The following CPEB3 variants were observed in gnomAD, a reference collection of about 807,000 sequenced individuals.
CPEB3 encodes cytoplasmic polyadenylation element binding protein 3.
A neutral mutation model predicts 67.2 loss-of-function variants in CPEB3; 20 were observed. That is an observed-to-expected ratio of 0.30 (90% CI 0.21 to 0.43). The LOEUF (loss-of-function observed/expected upper bound fraction) is 0.43. CPEB3 is among the 20% of genes least tolerant of loss of function. The probability of loss-of-function intolerance (pLI) is 1.00; values close to 1 mark genes in which losing one functional copy is unlikely to be tolerated. For synonymous variants in CPEB3, 376 were observed against 393.1 expected (o/e 0.96, Z 0.51); for missense variants, 746 against 968.6 (o/e 0.77, Z 3.05).
chr10:92,275,840 C>CTT (rs982965337), intron 1 of CPEB3, among the ~76,000 whole-genome samples: 4 of 130,710 alleles, frequency 3.1e-5, no homozygotes, highest in African/African-American at 2.8e-5. Flanking sequence ...GTACTTCATT[C>CTT]TTTTCTTTTT....
chr10:92,118,941 T>G (rs752824857), intron 6 of CPEB3: 2 of 1,273,412 alleles, frequency 1.6e-6, no homozygotes, highest in Non-Finnish European at 2.3e-6. Flanking sequence ...CCTGGGAACT[T>G]TGAGTCTTAT....
intron 9 of CPEB3, 45 bp downstream of exon 9, chr10:92,081,275 C>A (rs750740438): frequency 1.2e-6 from 2 of 1,608,756 alleles, no homozygotes; most frequent in South Asian, 2.2e-5. Flanking sequence ...ACAGAACAAA[C>A]TTCTTTTCTC....
At position 92,203,530 on chromosome 10, in the gene CPEB3, T is replaced by A. The variant is rs965031126; in HGVS notation, c.1006-10894A>T. Among the ~76,000 whole-genome samples the A allele has an allele frequency of 9.4e-3, 921 of 97,848 alleles. 12 individuals are homozygous for A. Among genetic ancestry groups the A allele is most frequent in the Non-Finnish European group, 0.013 (479 of 37,362 alleles). 64.2% of individuals were successfully genotyped at this position (97,848 alleles called of 152,430 possible). ...TGTGTATATATATATATATATATAT[T>A]TTTTTTTTAGAGGTGTAGCTGGGAT... On this transcript the variant is annotated intron_variant, in intron 2 of 9. Coordinates refer to ENST00000265997, the MANE Select transcript of CPEB3 (RefSeq NM_014912.5).
intron 4 of CPEB3, among the ~76,000 whole-genome samples, chr10:92,161,920 C>T (rs1847505262): frequency 6.6e-6 from 1 of 152,186 alleles, no homozygotes; most frequent in South Asian, 2.1e-4. Context: ...CGTGGCCTCC[C>T]AAAGTGCTGG....
intron 6 of CPEB3, chr10:92,137,624 G>A (rs1337565932): frequency 9.3e-6 from 6 of 644,128 alleles, no homozygotes; most frequent in Non-Finnish European, 1.7e-5. Flanking sequence ...CATGAGGAGT[G>A]GAAACTGAGC....
intron 1 of CPEB3, among the ~76,000 whole-genome samples, chr10:92,256,393 CTTTTTTTT>C (rs1185030211): frequency 2.1e-5 from 3 of 141,974 alleles, no homozygotes; most frequent in South Asian, 2.2e-4. Flanking sequence ...AACCTTTTTT[CTTTTTTTT>C]TTTTTTTGAA....
chr10:92,193,848 G>A (rs368110501), intron 2 of CPEB3, among the ~76,000 whole-genome samples: 9 of 150,476 alleles, frequency 6.0e-5, no homozygotes, highest in African/African-American at 2.2e-4. Flanking sequence ...CCAGGCTGGA[G>A]TGCAGTGGCG....
intron 6 of CPEB3, among the ~76,000 whole-genome samples, chr10:92,131,178 G>T (rs1273501969): frequency 6.6e-6 from 1 of 152,124 alleles, no homozygotes; most frequent in Non-Finnish European, 1.5e-5. Flanking sequence ...GCAAGCCTGA[G>T]GACCAGAATC....
At chr10:92,134,620 A>G (rs1846001142) in intron 6 of CPEB3, among the ~76,000 whole-genome samples, 1 of 151,996 alleles carries the variant, frequency 6.6e-6, no homozygotes, top group African/African-American at 2.4e-5. Flanking sequence ...TGCCATCCCC[A>G]TCAAGCTACC....
intron 2 of CPEB3, among the ~76,000 whole-genome samples, chr10:92,220,539 A>G (rs1234787478): frequency 7.1e-6 from 1 of 141,412 alleles, no homozygotes; most frequent in Non-Finnish European, 1.5e-5. Context: ...GCACTATGGC[A>G]ATGAAGTACC....
At chr10:92,132,619 G>T (rs1164913487) in intron 6 of CPEB3, among the ~76,000 whole-genome samples, 1 of 152,010 alleles carries the variant, frequency 6.6e-6, no homozygotes, top group Non-Finnish European at 1.5e-5. Context: ...GGTTAAGAAG[G>T]TTAACAAGGA....
chr10:92,263,312 G>A (rs1430146465), intron 1 of CPEB3, among the ~76,000 whole-genome samples: 1 of 152,212 alleles, frequency 6.6e-6, no homozygotes, highest in Non-Finnish European at 1.5e-5. Flanking sequence ...CTGGCCTCAA[G>A]TGATCCGCCC....
chr10:92,092,790 AAGAG>A (rs1564771724), intron 7 of CPEB3, among the ~76,000 whole-genome samples: 7 of 152,116 alleles, frequency 4.6e-5, no homozygotes, highest in African/African-American at 2.4e-5. Flanking sequence ...AAAAAAAAAA[AAGAG>A]AGAGAATTAC....
At chr10:92,236,312 G>A (rs1323494174) in intron 2 of CPEB3, among the ~76,000 whole-genome samples, 1 of 152,046 alleles carries the variant, frequency 6.6e-6, no homozygotes, top group Non-Finnish European at 1.5e-5. Context: ...TACCTCTCAG[G>A]ATCTCAGTCT....
chr10:92,209,918 G>A (rs906034762), intron 2 of CPEB3, among the ~76,000 whole-genome samples: 13 of 145,208 alleles, frequency 9.0e-5, no homozygotes, highest in African/African-American at 3.3e-4. Context: ...TTCCAGCCTG[G>A]GCGACAGAGC....
intron 7 of CPEB3, among the ~76,000 whole-genome samples, chr10:92,107,341 AGTC>A (rs1390428386): frequency 6.6e-6 from 1 of 152,228 alleles, no homozygotes; most frequent in Non-Finnish European, 1.5e-5. Flanking sequence ...GAGAAATTGT[AGTC>A]GTGCTATAAA....
At chr10:92,274,896 T>C (rs369151116) in intron 1 of CPEB3, among the ~76,000 whole-genome samples, 9 of 152,190 alleles carry the variant, frequency 5.9e-5, no homozygotes, top group African/African-American at 2.2e-4. Flanking sequence ...TATACTGTCC[T>C]CATTTAGCTA....
At chr10:92,218,608 C>G (rs1002639555) in intron 2 of CPEB3, among the ~76,000 whole-genome samples, 3 of 152,114 alleles carry the variant, frequency 2.0e-5, no homozygotes, top group African/African-American at 4.8e-5. Context: ...TTAATGAAAA[C>G]CATTACAAGC....
At chr10:92,225,942 C>T (rs1372417782) in intron 2 of CPEB3, among the ~76,000 whole-genome samples, 1 of 152,104 alleles carries the variant, frequency 6.6e-6, no homozygotes, top group Non-Finnish European at 1.5e-5. Context: ...ACTGAAAATA[C>T]AAAAATTAGC....
Sources: gnomAD v4.1 joint callset for allele counts (sites outside exome capture counted in the v4.1 genomes callset) on GRCh38, gnomAD v4.1.1 for gene constraint, MANE v1.5 for transcripts, NCBI Gene and HGNC (gene_info 2026-07-23, HGNC 2026-07-21) for gene names.